The following SHBG variants were observed in gnomAD, a reference collection of about 807,000 sequenced individuals.
SHBG encodes sex hormone-binding globulin.
In SHBG, 37 loss-of-function variants were observed where a neutral mutation model predicts 41.9. The observed-to-expected ratio is 0.88, with a 90% confidence interval of 0.68 to 1.16. The LOEUF is 1.16. SHBG is among the 50% of genes most tolerant of loss of function. The probability of loss-of-function intolerance (pLI) is 0.00; values close to 1 mark genes in which losing one functional copy is unlikely to be tolerated. For synonymous variants in SHBG, 217 were observed against 205.8 expected (o/e 1.05, Z -0.47); for missense variants, 466 against 499.9 (o/e 0.93, Z 0.65).
Position 7,614,344 on chromosome 17 carries a change from C to T in SHBG, c.-62+233C>T, listed in dbSNP as rs1476356722. On this transcript the variant is annotated intron_variant, in intron 1 of 5. Coordinates refer to the SHBG transcript ENST00000570547. ...CGGGTTGGAGCAAGGGTCCAAGATT[C>T]TAAGGGCCAGGACTCAGCTCCAGAA... 3.6e-6 allele frequency: 3 copies of T among 830,524 alleles called. No individual in the cohort carries two copies. The African/African-American group carries it at 5.1e-5, about 14-fold the overall frequency. 51.4% of individuals were successfully genotyped at this position (830,524 alleles called of 1,614,324 possible).
chr17:7,625,438 G>A (rs567755320), upstream of SHBG, among the ~76,000 whole-genome samples: 5 of 151,456 alleles, frequency 3.3e-5, no homozygotes, highest in South Asian at 6.3e-4. Flanking sequence ...TTAGCCGGGC[G>A]TGGTGGCGGG....
upstream of SHBG, among the ~76,000 whole-genome samples, chr17:7,628,599 C>T (rs1388870046): frequency 1.3e-5 from 2 of 152,038 alleles, no homozygotes; most frequent in Non-Finnish European, 2.9e-5. Flanking sequence ...GCATGGGCAA[C>T]CATACCTGGC....
At position 7,630,270 on chromosome 17, in the gene SHBG, T is replaced by C; in HGVS notation, c.98T>C (p.Val33Ala). Residue 33 changes from valine to alanine, a missense_variant, in exon 1 of 8, where the codon GTT (valine) becomes GCT (alanine). Physicochemically the swap from Val to Ala is moderately conservative, Grantham distance 64. Coordinates refer to ENST00000380450, the MANE Select transcript of SHBG (RefSeq NM_001040.5). The surrounding 1 kb of genome is among the most constrained non-coding windows in gnomAD (Gnocchi z 4.6). ...CGCCAGGGATGGGCCCTGAGACCTG[T>C]TCTCCCCACCCAGGTGCAGGAGCGG... ...HTRQGWALRPVLPTQSAHDPP... is the reference protein window; with the variant it reads ...HTRQGWALRPALPTQSAHDPP... 1 of 1,608,368 alleles carries C rather than the reference T, an allele frequency of 6.2e-7. No homozygotes were observed. Among genetic ancestry groups the C allele is most frequent in the South Asian group, 1.1e-5 (1 of 90,504 alleles).
chr17:7,626,275 G>T, upstream of SHBG: 1 of 669,460 alleles, frequency 1.5e-6, no homozygotes, highest in South Asian at 2.0e-5. Context: ...CCTCAACAAG[G>T]AAGAAAGGTC....
chr17:7,631,648 G>A lies in SHBG; in HGVS notation c.615G>A (p.Glu205=). ...RRDSWLDKQA[E]ISASAPTSLR... ...ATTCCTGGCTGGACAAACAGGCCGA[G>A]ATCTCAGCATCTGCCCCCACTAGCC... Residue 205 remains glutamate, a synonymous_variant, in exon 5 of 8, where the codon GAG becomes GAA. Transcript: ENST00000380450. The A allele has an allele frequency of 1.2e-6, 2 of 1,614,158 alleles. No homozygotes were observed. Among genetic ancestry groups the A allele is most frequent in the Non-Finnish European group, 1.7e-6 (2 of 1,180,034 alleles).
intron 1 of SHBG, among the ~76,000 whole-genome samples, chr17:7,620,228 G>A (rs775816491): frequency 5.9e-5 from 9 of 152,322 alleles, no homozygotes; most frequent in Middle Eastern, 6.8e-3. Context: ...TCCTTTGGGA[G>A]GCCAAAGTGG....
chr17:7,623,362 C>T (rs1197318097), upstream of SHBG, among the ~76,000 whole-genome samples: 1 of 152,198 alleles, frequency 6.6e-6, no homozygotes, highest in Non-Finnish European at 1.5e-5. Flanking sequence ...TTCACTCCAA[C>T]CTGGGCAACA....
Position 7,631,975 on chromosome 17 carries a change from C to T in SHBG, c.812C>T (p.Pro271Leu). Residue 271 changes from proline to leucine, a missense_variant, in exon 6 of 8, where the codon CCA becomes CTA. Coordinates refer to ENST00000380450, the MANE Select transcript of SHBG (RefSeq NM_001040.5). ...GGCCACCTCCTTGCTCTTGGGACAC[C>T]AGAGAACCCATCTTGGCTCAGTCTC... The part of the protein sequence containing the change: ...GSGHLLALGT[P>L]ENPSWLSLHL... 4 of 1,613,966 alleles carry T rather than the reference C, an allele frequency of 2.5e-6. No homozygotes were observed. Among genetic ancestry groups the T allele is most frequent in the South Asian group, 1.1e-5 (1 of 91,070 alleles).
At chr17:7,614,692 G>A in intron 1 of SHBG, 1 of 333,282 alleles carries the variant, frequency 3.0e-6, no homozygotes, top group Non-Finnish European at 5.3e-6. Flanking sequence ...CACAGCCAAC[G>A]AGCAGGGGGC....
chr17:7,620,687 A>G (rs1266073210), intron 1 of SHBG, among the ~76,000 whole-genome samples: 2 of 151,002 alleles, frequency 1.3e-5, no homozygotes, highest in African/African-American at 4.9e-5. Flanking sequence ...CTGGAGTGCA[A>G]TGGTGCAATC....
Position 7,630,964 on chromosome 17 carries a change from A to T in SHBG, c.393+95A>T, listed in dbSNP as rs1293196455. ...TATTGGGCATCCCTCTACCACTGTC[A>T]TCTCGTTTAATCCACACGAACCCCC... On this transcript the variant is annotated intron_variant, in intron 3 of 7. Coordinates refer to ENST00000380450, the MANE Select transcript of SHBG (RefSeq NM_001040.5). This position sits in a 1 kb window ranked among gnomAD's most constrained non-coding sequence, Gnocchi z 4.6. 2 of 1,154,150 alleles carry T rather than the reference A, an allele frequency of 1.7e-6. No homozygotes were observed. The highest frequency in any genetic ancestry group is 4.8e-5 in the East Asian group (2 of 41,286). The allele number at this position is 1,154,150 out of a possible 1,614,324, so 71.5% of individuals were successfully genotyped here. A position where few individuals can be genotyped will look rare whatever the true frequency, so the allele number is the denominator to read the frequency against.
intron 5 of SHBG, 55 bp from the exon 6 acceptor site, chr17:7,631,824 T>G: frequency 6.2e-7 from 1 of 1,613,586 alleles, no homozygotes; most frequent in Non-Finnish European, 8.5e-7. Flanking sequence ...CACTGGCCCC[T>G]TTCCTCCTTG....
In SHBG at chr17:7,632,894, G is replaced by A. The variant is rs372362471; in HGVS notation, c.995G>A (p.Gly332Asp). 2.5e-6 allele frequency: 4 copies of A among 1,614,012 alleles called. No individual in the cohort carries two copies. The highest frequency in any genetic ancestry group is 3.4e-6 in the Non-Finnish European group (4 of 1,180,026). The change falls in exon 7 of 8, where the codon GGC becomes GAC. Residue 332 changes from glycine to aspartate, a missense_variant. Gly to Asp is a moderately conservative substitution (Grantham distance 94). Transcript: ENST00000380450. ...AAGGCCCTTGCCCTGCCTCCCTTAG[G>A]CCTGGCTCCCCTCCTTAACCTCTGG... is the stretch of plus-strand genomic sequence containing the variant. ...KMKALALPPL[G>D]LAPLLNLWAK... is the part of the protein sequence containing the mutation.
At chr17:7,621,017 G>A (rs974691080) in intron 1 of SHBG, among the ~76,000 whole-genome samples, 2 of 143,880 alleles carry the variant, frequency 1.4e-5, no homozygotes, top group African/African-American at 5.1e-5. Context: ...AATCACTTGA[G>A]CCCAGGAGGT....
chr17:7,632,128 A>AGCCCTGG, intron 6 of SHBG, 113 bp downstream of exon 6: 1 of 1,112,964 alleles, frequency 9.0e-7, no homozygotes, highest in South Asian at 1.2e-5. Flanking sequence ...GGAACATAAC[A>AGCCCTGG]AGACTGGCTC....
chr17:7,624,418 G>A (rs986872861), upstream of SHBG, among the ~76,000 whole-genome samples: 1 of 151,716 alleles, frequency 6.6e-6, no homozygotes, highest in African/African-American at 2.4e-5. Context: ...GCTAATTTTT[G>A]TATTTTTAGT....
chr17:7,614,266 G>A (rs968599205), intron 1 of SHBG, among the ~76,000 whole-genome samples: 1 of 152,100 alleles, frequency 6.6e-6, no homozygotes, highest in Admixed American at 6.5e-5. Flanking sequence ...CCTTAGAGGG[G>A]TCAAAAATAA....
chr17:7,633,305 C>T lies in SHBG; in HGVS notation c.1162C>T (p.His388Tyr), dbSNP rs1409137418. ...ALNRSHEIWT[H>Y]SCPQSPGNGT... ...GAACAGAAGCCATGAGATCTGGACT[C>T]ACAGCTGCCCCCAGAGCCCAGGCAA... Residue 388 changes from histidine to tyrosine, a missense_variant, in exon 8 of 8, where the codon CAC (histidine) becomes TAC (tyrosine). Transcript: ENST00000380450. 6.2e-7 allele frequency: 1 copy of T among 1,614,200 alleles called. No individual in the cohort carries two copies. The highest frequency in any genetic ancestry group is 8.5e-7 in the Non-Finnish European group (1 of 1,180,028).
chr17:7,626,220 G>T, upstream of SHBG: 2 of 435,066 alleles, frequency 4.6e-6, no homozygotes, highest in Non-Finnish European at 4.1e-6. Context: ...ATAAAAGAAA[G>T]ACCCAACACC....
Sources: gnomAD v4.1 joint callset for allele counts (sites outside exome capture counted in the v4.1 genomes callset) on GRCh38, gnomAD v4.1.1 for gene constraint, Gnocchi (gnomAD v3.1) non-coding constraint, MANE v1.5 for transcripts, NCBI Gene and HGNC (gene_info 2026-07-23, HGNC 2026-07-21) for gene names.